The following ICAM1 variants were observed in gnomAD, a reference collection of about 807,000 sequenced individuals.
ICAM1 encodes ICAM-1.
In ICAM1, 28 loss-of-function variants were observed where a neutral mutation model predicts 42.3. That is an observed-to-expected ratio of 0.66 (90% CI 0.49 to 0.91). The LOEUF (loss-of-function observed/expected upper bound fraction) is 0.91, where lower values mean the gene tolerates loss of function less well. Among genes scored for constraint, ICAM1 ranks in the 40% least tolerant of loss-of-function variants. The probability of loss-of-function intolerance (pLI) is 0.00; values close to 1 mark genes in which losing one functional copy is unlikely to be tolerated. For missense variants in ICAM1, 637 were observed against 688.6 expected, an observed-to-expected ratio of 0.93 and a Z score of 0.84; for synonymous variants, 304 against 305.9, an observed-to-expected ratio of 0.99 and a Z score of 0.07.
chr19:10,278,525 T>C (rs933266915), intron 2 of ICAM1, among the ~76,000 whole-genome samples: 2 of 150,504 alleles, frequency 1.3e-5, no homozygotes, highest in Non-Finnish European at 3.0e-5. Flanking sequence ...TGAAGGTCTT[T>C]TCTGCATCTC....
chr19:10,283,406 G>A, intron 2 of ICAM1, 75 bp from the exon 3 acceptor site: 1 of 1,430,134 alleles, frequency 7.0e-7, no homozygotes, highest in Non-Finnish European at 9.4e-7. Flanking sequence ...AGGGCTCCCA[G>A]GCAGGTGCAG....
At chr19:10,276,205 G>T (rs2040015553) in intron 2 of ICAM1, among the ~76,000 whole-genome samples, 1 of 151,200 alleles carries the variant, frequency 6.6e-6, no homozygotes, top group Non-Finnish European at 1.5e-5. Context: ...AAAGATATGA[G>T]TTAAAACTAG....
At chr19:10,281,588 T>C (rs182139428) in intron 2 of ICAM1, among the ~76,000 whole-genome samples, 57 of 152,294 alleles carry the variant, frequency 3.7e-4, no homozygotes, top group Non-Finnish European at 6.6e-4. Flanking sequence ...TGTCTACCTC[T>C]TAAGTGAATT....
chr19:10,280,994 C>T (rs2040052549), intron 2 of ICAM1, among the ~76,000 whole-genome samples: 1 of 151,788 alleles, frequency 6.6e-6, no homozygotes, highest in South Asian at 2.1e-4. Flanking sequence ...CTGCCTTAGC[C>T]TCCTGAGTAG....
chr19:10,274,711 C>G, intron 1 of ICAM1, 54 bp from the exon 2 acceptor site: 1 of 1,584,024 alleles, frequency 6.3e-7, no homozygotes, highest in South Asian at 1.1e-5. Context: ...GGCGCACATT[C>G]CCTTGATGAA....
chr19:10,272,317 C>T (rs1402123699), intron 1 of ICAM1, among the ~76,000 whole-genome samples: 1 of 152,064 alleles, frequency 6.6e-6, no homozygotes, highest in African/African-American at 2.4e-5. Flanking sequence ...GGACTCAGAC[C>T]CAGATCGCAC....
intron 2 of ICAM1, among the ~76,000 whole-genome samples, chr19:10,279,733 C>T (rs2040042310): frequency 6.6e-6 from 1 of 152,044 alleles, no homozygotes; most frequent in African/African-American, 2.4e-5. Context: ...ATCCTCCTGC[C>T]TCAGTTTCCC....
At chr19:10,275,719 T>C (rs1366143653) in intron 2 of ICAM1, among the ~76,000 whole-genome samples, 1 of 147,498 alleles carries the variant, frequency 6.8e-6, no homozygotes, top group East Asian at 2.0e-4. Context: ...TTTTTTTTTT[T>C]TTTTTTGAGA....
In ICAM1 at chr19:10,285,034, T is replaced by A. The variant is rs1173265577; in HGVS notation, c.1426+6T>A. 6.2e-7 allele frequency: 1 copy of A among 1,613,342 alleles called. No homozygotes were observed. Among genetic ancestry groups the A allele is most frequent in the Admixed American group, 1.7e-5 (1 of 59,890 alleles). The stretch of plus-strand genomic sequence containing the variant: ...GGTGACCGTGAATGTGCTCTGTGAG[T>A]GAGCCGGCGGGCAGAGCTGGGTGGG... On this transcript the variant is annotated splice_donor_region_variant and intron_variant, in intron 6 of 6. Transcript: ENST00000264832.
chr19:10,285,043 G>C lies in ICAM1; in HGVS notation c.1426+15G>C, dbSNP rs200051692. 1.1e-5 allele frequency: 17 copies of C among 1,613,308 alleles called. No homozygotes were observed. The highest frequency in any genetic ancestry group is 1.4e-5 in the Non-Finnish European group (17 of 1,179,914). On this transcript the variant is annotated intron_variant, in intron 6 of 6. Transcript: ENST00000264832. ...GAATGTGCTCTGTGAGTGAGCCGGC[G>C]GGCAGAGCTGGGTGGGGGCAGGGGC...
At position 10,274,694 on chromosome 19, in the gene ICAM1, C is replaced by A. The variant is rs969702554; in HGVS notation, c.68-71C>A. ...AAGGCTGTGCCTCCAGCACCCAGCACAGGCTGGGCGCACATTCCCTTGATG... is the reference window on the plus strand; with the variant it reads ...AAGGCTGTGCCTCCAGCACCCAGCAAAGGCTGGGCGCACATTCCCTTGATG... On this transcript the variant is annotated intron_variant, in intron 1 of 6. Transcript: ENST00000264832. The A allele has an allele frequency of 3.9e-6, 6 of 1,528,352 alleles. No homozygotes were observed. The African/African-American group carries it at 6.9e-5, about 17-fold the overall frequency. The allele number at this position is 1,528,352 out of a possible 1,614,324, so 94.7% of individuals were successfully genotyped here.
At chr19:10,279,475 TTTTG>T (rs1233690164) in intron 2 of ICAM1, among the ~76,000 whole-genome samples, 1 of 151,822 alleles carries the variant, frequency 6.6e-6, no homozygotes, top group Non-Finnish European at 1.5e-5. Flanking sequence ...CCAGGAATTT[TTTTG>T]TTTTTGTTTT....
At chr19:10,278,764 A>T (rs1021605411) in intron 2 of ICAM1, among the ~76,000 whole-genome samples, 4 of 150,902 alleles carry the variant, frequency 2.7e-5, no homozygotes, top group Non-Finnish European at 4.4e-5. Flanking sequence ...CTGGTCTCGA[A>T]CTCTAGACCT....
rs1300574941 is a variant in ICAM1 at position 10,283,711 on chromosome 19, A to G, written c.562A>G (p.Thr188Ala). 3.1e-6 allele frequency: 5 copies of G among 1,613,702 alleles called. No homozygotes were observed. The African/African-American group carries it at 4.0e-5, about 13-fold the overall frequency. ...CCATGGAGCCAATTTCTCGTGCCGC[A>G]CTGAACTGGACCTGCGGCCCCAAGG... ...DHHGANFSCR[T>A]ELDLRPQGLE... Residue 188 changes from threonine (T) to alanine (A), a missense_variant, in exon 3 of 7, where the codon ACT becomes GCT. Coordinates refer to ENST00000264832, the MANE Select transcript of ICAM1 (RefSeq NM_000201.3).
At chr19:10,281,569 C>T (rs1433551659) in intron 2 of ICAM1, among the ~76,000 whole-genome samples, 1 of 152,068 alleles carries the variant, frequency 6.6e-6, no homozygotes, top group Non-Finnish European at 1.5e-5. Flanking sequence ...TGCTTATGTA[C>T]AGCGACTCTG....
intron 1 of ICAM1, among the ~76,000 whole-genome samples, chr19:10,272,837 T>A (rs1259454047): frequency 6.6e-6 from 1 of 152,112 alleles, no homozygotes; most frequent in East Asian, 1.9e-4. Flanking sequence ...GCCCACCCCG[T>A]AAGCCCCTTC....
rs369584309 is a variant in ICAM1, at chr19:10,283,306, T to C, written c.332-175T>C. ...ATATTTTGATCCCCTTCACAAACAC[T>C]CGGGGCCCTCTTACCAGTTTTCACT... is the stretch of plus-strand genomic sequence containing the variant. On this transcript the variant is annotated intron_variant, in intron 2 of 6. Transcript: ENST00000264832. The C allele has an allele frequency of 3.2e-4, 192 of 597,260 alleles. 5 individuals carry two copies. In the South Asian group the frequency reaches 4.8e-3, roughly 15 times the overall value. The allele number at this position is 597,260 out of a possible 1,614,324, so 37.0% of individuals were successfully genotyped here.
At chr19:10,277,774 C>T (rs1274239512) in intron 2 of ICAM1, among the ~76,000 whole-genome samples, 1 of 152,264 alleles carries the variant, frequency 6.6e-6, no homozygotes, top group Non-Finnish European at 1.5e-5. Flanking sequence ...GCGTGAGCCA[C>T]TGCCCCCAGC....
chr19:10,282,768 T>C (rs2040071015), intron 2 of ICAM1, among the ~76,000 whole-genome samples: 1 of 151,836 alleles, frequency 6.6e-6, no homozygotes, highest in Non-Finnish European at 1.5e-5. Flanking sequence ...ATCCCAGCAC[T>C]TTGGGAGGCC....
Sources: allele counts gnomAD v4.1 joint callset (sites outside exome capture counted in the v4.1 genomes callset), GRCh38; gene constraint gnomAD v4.1.1; transcripts MANE v1.5; gene names NCBI Gene and HGNC (gene_info 2026-07-23, HGNC 2026-07-21).